Variants in ZNF280D observed in about 807,000 individuals in gnomAD.
ZNF280D encodes suppressor of hairy wing homolog 4.
ZNF280D carries 39 observed loss-of-function variants against 94.7 expected under a neutral mutation model. The observed-to-expected ratio is 0.41, with a 90% CI of 0.32 to 0.54. ZNF280D has a LOEUF of 0.54. Among genes scored for constraint, ZNF280D ranks in the 20% least tolerant of loss-of-function variants. ZNF280D has a pLI of 0.22. For missense variants in ZNF280D, 1,090 were observed against 1,149.3 expected, an observed-to-expected ratio of 0.95 and a Z score of 0.75; for synonymous variants, 398 against 377.6, an observed-to-expected ratio of 1.05 and a Z score of -0.63.
rs1340267831 is a variant in ZNF280D, at chr15:56,631,223, T to A, written c.*275A>T. 6.3e-6 allele frequency: 2 copies of A among 319,686 alleles called. No individual in the cohort carries two copies. The highest frequency in any genetic ancestry group is 1.2e-5 in the Non-Finnish European group (2 of 173,682). 19.8% of individuals were successfully genotyped at this position (319,686 alleles called of 1,614,324 possible). On this transcript the variant is annotated 3_prime_UTR_variant, in exon 22 of 22. Coordinates refer to ENST00000267807, the MANE Select transcript of ZNF280D (RefSeq NM_017661.4). The stretch of plus-strand genomic sequence containing the variant: ...TGTCAGCAACCAAATCCCATTTCCT[T>A]GAAAACCATTAAATGAGACCTTTCC...
chr15:56,682,880 A>T (rs2055728332), intron 9 of ZNF280D, among the ~76,000 whole-genome samples: 1 of 152,072 alleles, frequency 6.6e-6, no homozygotes, highest in Non-Finnish European at 1.5e-5. Flanking sequence ...TTTAATTATC[A>T]AGTGATATAT....
rs544204047 is a variant in ZNF280D, at chr15:56,631,937, T to C, written c.2501A>G (p.Asp834Gly). The change falls in exon 22 of 22, where the codon GAT becomes GGT. Residue 834 changes from aspartate to glycine, a missense_variant. Transcript: ENST00000267807. ...IVSCDSNIGA[D>G]KVEKKKQIQH... ...TATTTGTTTTTTCTTTTCCACTTTA[T>C]CTGCACCAATATTTGAATCACAACT... 5.6e-6 allele frequency: 9 copies of C among 1,614,008 alleles called. No individual in the cohort carries two copies. Among genetic ancestry groups the C allele is most frequent in the Middle Eastern group, 1.6e-4 (1 of 6,062 alleles).
chr15:56,682,435 T>C lies in ZNF280D; in HGVS notation c.823A>G (p.Lys275Glu), dbSNP rs770582372. The change falls in exon 10 of 22, where the codon AAA (lysine) becomes GAA (glutamate). Residue 275 changes from lysine (K) to glutamate (E), a missense_variant. Lys to Glu is a moderately conservative substitution (Grantham distance 56). Coordinates refer to ENST00000267807, the MANE Select transcript of ZNF280D (RefSeq NM_017661.4). ...TTTACTGTACTTGAAAATTCTGTTT[T>C]AGCCAGTCCCAAAAAGTTATTTATC... ...DMINNFLGLA[K>E]TEFSSTVNKN... is the part of the protein sequence containing the mutation. The C allele has an allele frequency of 6.4e-7, 1 of 1,572,148 alleles. No homozygotes were observed. Among genetic ancestry groups the C allele is most frequent in the South Asian group, 1.2e-5 (1 of 83,024 alleles).
chr15:56,703,416 T>C (rs1351020089), intron 4 of ZNF280D, among the ~76,000 whole-genome samples: 1 of 152,196 alleles, frequency 6.6e-6, no homozygotes, highest in Non-Finnish European at 1.5e-5. Flanking sequence ...ATAGATGACA[T>C]TGCAGTGAGG....
chr15:56,647,244 T>A (rs540156327), intron 19 of ZNF280D, among the ~76,000 whole-genome samples: 7 of 152,232 alleles, frequency 4.6e-5, no homozygotes, highest in Non-Finnish European at 7.4e-5. Flanking sequence ...AAAAGGTTGG[T>A]TTAGGGAGAT....
At chr15:56,654,567 G>T in intron 17 of ZNF280D, 64 bp from the exon 18 acceptor site, 6 of 1,451,740 alleles carry the variant, frequency 4.1e-6, no homozygotes, top group Non-Finnish European at 4.6e-6. Flanking sequence ...TAAGTTTGAT[G>T]ATTATTTTTC....
chr15:56,659,557 T>A (rs908192395), intron 16 of ZNF280D, among the ~76,000 whole-genome samples: 2 of 152,218 alleles, frequency 1.3e-5, no homozygotes, highest in South Asian at 4.2e-4. Context: ...TAAACCTTTA[T>A]TATACATAGT....
chr15:56,655,888 G>T (rs1014615565), intron 17 of ZNF280D, among the ~76,000 whole-genome samples: 2 of 152,118 alleles, frequency 1.3e-5, no homozygotes, highest in African/African-American at 4.8e-5. Flanking sequence ...TATATTAAAT[G>T]TACAAATGAT....
intron 7 of ZNF280D, among the ~76,000 whole-genome samples, chr15:56,690,648 T>C (rs2141082279): frequency 6.6e-6 from 1 of 152,344 alleles, no homozygotes; most frequent in East Asian, 1.9e-4. Flanking sequence ...GGATTTTAGT[T>C]TTATTTAATG....
At chr15:56,669,195 T>G (rs1159329285) in intron 13 of ZNF280D, among the ~76,000 whole-genome samples, 1 of 152,052 alleles carries the variant, frequency 6.6e-6, no homozygotes, top group Non-Finnish European at 1.5e-5. Flanking sequence ...TATCAATAGG[T>G]TCTAATAAAA....
intron 1 of ZNF280D, among the ~76,000 whole-genome samples, chr15:56,727,289 G>C (rs954894943): frequency 6.6e-6 from 1 of 151,956 alleles, no homozygotes. Flanking sequence ...GCAAAACCCC[G>C]TCTCTACTAA....
chr15:56,650,391 C>G (rs911353137), intron 19 of ZNF280D, among the ~76,000 whole-genome samples: 18 of 152,106 alleles, frequency 1.2e-4, no homozygotes, highest in African/African-American at 3.9e-4. Flanking sequence ...AAGATATTTT[C>G]AACTCGATTT....
intron 1 of ZNF280D, among the ~76,000 whole-genome samples, chr15:56,727,518 G>C (rs2058684205): frequency 6.6e-6 from 1 of 152,124 alleles, no homozygotes; most frequent in African/African-American, 2.4e-5. Context: ...AGGCAAATAA[G>C]GGGAGGGCAC....
At chr15:56,729,118 T>C (rs1437669536) in intron 1 of ZNF280D, among the ~76,000 whole-genome samples, 3 of 151,922 alleles carry the variant, frequency 2.0e-5, no homozygotes, top group African/African-American at 7.3e-5. Flanking sequence ...GAAATGAAAA[T>C]CTGAGCAACA....
At chr15:56,719,222 T>G (rs2058208288) in intron 1 of ZNF280D, among the ~76,000 whole-genome samples, 1 of 152,096 alleles carries the variant, frequency 6.6e-6, no homozygotes, top group African/African-American at 2.4e-5. Flanking sequence ...GGTAGGGTAA[T>G]GAGAGGTGTT....
At chr15:56,638,503 T>C (rs942311734) in intron 20 of ZNF280D, among the ~76,000 whole-genome samples, 1 of 152,160 alleles carries the variant, frequency 6.6e-6, no homozygotes, top group East Asian at 1.9e-4. Context: ...TGGGTGAGGC[T>C]GGGTATTCTT....
rs2052143458 is a variant in ZNF280D at position 56,632,703 on chromosome 15, C to T, written c.2316-581G>A. Among the ~76,000 whole-genome samples, 3 of 151,712 alleles carry T rather than the reference C, an allele frequency of 2.0e-5. No individual in the cohort carries two copies. The South Asian group carries it at 6.2e-4, about 32-fold the overall frequency. ...TAGAGACAAGGTTTTGCCATGTTGC[C>T]CAGGCTGGTCTCCTGGGCTCAAGCA... On this transcript the variant is annotated intron_variant, in intron 21 of 21. Coordinates refer to ENST00000267807, the MANE Select transcript of ZNF280D (RefSeq NM_017661.4).
At chr15:56,730,031 A>G (rs1208053586) in intron 1 of ZNF280D, 1 of 152,280 alleles carries the variant, frequency 6.6e-6, no homozygotes, top group East Asian at 1.9e-4. Flanking sequence ...ATTATGCTTT[A>G]TTTTTACTCC....
chr15:56,708,584 T>C (rs576708136), intron 1 of ZNF280D, among the ~76,000 whole-genome samples: 1 of 152,228 alleles, frequency 6.6e-6, no homozygotes, highest in South Asian at 2.1e-4. Flanking sequence ...CAGAATTCTA[T>C]GAAAGATACC....
Sources: allele counts gnomAD v4.1 joint callset (sites outside exome capture counted in the v4.1 genomes callset), GRCh38; gene constraint gnomAD v4.1.1; transcripts MANE v1.5; gene names NCBI Gene and HGNC (gene_info 2026-07-23, HGNC 2026-07-21).